The following CTNNBL1 variants were observed in gnomAD, a reference collection of about 807,000 sequenced individuals.
The protein encoded by CTNNBL1 is beta-catenin-like protein 1.
A neutral mutation model predicts 72.7 loss-of-function variants in CTNNBL1; 31 were observed. The observed-to-expected ratio is 0.43, with a 90% confidence interval of 0.32 to 0.58. CTNNBL1 has a LOEUF of 0.58. Among genes scored for constraint, CTNNBL1 ranks in the 20% least tolerant of loss-of-function variants. The pLI is 0.08. For missense variants in CTNNBL1, 534 were observed against 725.1 expected, an observed-to-expected ratio of 0.74 and a Z score of 3.03; for synonymous variants, 240 against 267.3, an observed-to-expected ratio of 0.90 and a Z score of 1.00.
intron 13 of CTNNBL1, among the ~76,000 whole-genome samples, chr20:37,849,529 A>G (rs2072377573): frequency 6.6e-6 from 1 of 152,236 alleles, no homozygotes; most frequent in South Asian, 2.1e-4. Context: ...TCTCTGTGCC[A>G]TCTTTTCCAC....
chr20:37,802,514 A>G (rs1233923470), intron 10 of CTNNBL1, among the ~76,000 whole-genome samples: 2 of 152,238 alleles, frequency 1.3e-5, no homozygotes, highest in Admixed American at 6.5e-5. Context: ...GAATTGTCTC[A>G]ATAAAGCTGT....
chr20:37,807,468 A>G (rs772153051), intron 11 of CTNNBL1, among the ~76,000 whole-genome samples: 2 of 152,166 alleles, frequency 1.3e-5, no homozygotes, highest in Admixed American at 6.5e-5. Context: ...ACTGTGGGCA[A>G]ATGGGCAAAT....
chr20:37,819,188 T>C (rs566232015), intron 11 of CTNNBL1, among the ~76,000 whole-genome samples: 1 of 152,296 alleles, frequency 6.6e-6, no homozygotes, highest in Admixed American at 6.5e-5. Context: ...TGTTGAAACT[T>C]CCCCCGTAAA....
intron 10 of CTNNBL1, among the ~76,000 whole-genome samples, chr20:37,796,695 T>C (rs766458279): frequency 3.9e-5 from 6 of 152,118 alleles, no homozygotes; most frequent in Non-Finnish European, 7.4e-5. Flanking sequence ...AGCCCAAAAT[T>C]TCAAGGACTT....
At chr20:37,746,947 T>C (rs1325964068) in intron 4 of CTNNBL1, among the ~76,000 whole-genome samples, 1 of 152,240 alleles carries the variant, frequency 6.6e-6, no homozygotes, top group South Asian at 2.1e-4. Context: ...CAGACAGATT[T>C]GAATGTGTAA....
intron 4 of CTNNBL1, among the ~76,000 whole-genome samples, chr20:37,749,323 T>G (rs2073296887): frequency 6.6e-6 from 1 of 152,224 alleles, no homozygotes; most frequent in Non-Finnish European, 1.5e-5. Context: ...AGTAGCTGCT[T>G]TTGGAAGATA....
intron 12 of CTNNBL1, 198 bp from the exon 13 acceptor site, chr20:37,842,141 T>G (rs2072309070): frequency 7.3e-6 from 4 of 546,196 alleles, no homozygotes; most frequent in Non-Finnish European, 1.3e-5. Flanking sequence ...TCATCCTAAG[T>G]GTTTGCTTTG....
chr20:37,731,822 C>T (rs1412269958), intron 1 of CTNNBL1, among the ~76,000 whole-genome samples: 2 of 152,100 alleles, frequency 1.3e-5, no homozygotes, highest in African/African-American at 2.4e-5. Context: ...CATCTAGTGA[C>T]GGACACATAG....
intron 1 of CTNNBL1, among the ~76,000 whole-genome samples, chr20:37,698,796 A>T (rs2072814616): frequency 6.6e-6 from 1 of 152,202 alleles, no homozygotes; most frequent in Admixed American, 6.5e-5. Flanking sequence ...CTGTAATCCC[A>T]GCACTTTGGG....
chr20:37,709,899 A>G (rs2072922347), intron 1 of CTNNBL1, among the ~76,000 whole-genome samples: 1 of 152,212 alleles, frequency 6.6e-6, no homozygotes, highest in South Asian at 2.1e-4. Flanking sequence ...CTTTCCAGGT[A>G]ACTGAAGCTT....
intron 15 of CTNNBL1, among the ~76,000 whole-genome samples, chr20:37,870,573 G>A (rs913969646): frequency 2.3e-4 from 35 of 152,174 alleles, no homozygotes; most frequent in Non-Finnish European, 3.8e-4. Context: ...ACATCAAGAA[G>A]CTGAAGACGT....
intron 5 of CTNNBL1, among the ~76,000 whole-genome samples, chr20:37,763,444 A>G (rs2073436364): frequency 6.6e-6 from 1 of 152,194 alleles, no homozygotes; most frequent in Non-Finnish European, 1.5e-5. Context: ...ATACCAGGGC[A>G]TAAAGGAGAG....
At chr20:37,814,649 C>T (rs2072038962) in intron 11 of CTNNBL1, among the ~76,000 whole-genome samples, 1 of 152,178 alleles carries the variant, frequency 6.6e-6, no homozygotes, top group Admixed American at 6.5e-5. Flanking sequence ...AAATACATGT[C>T]CCTCCTCCAG....
In CTNNBL1 at chr20:37,719,134, T is replaced by C. The variant is rs545680873; in HGVS notation, c.31-13745T>C. On this transcript the variant is annotated intron_variant, in intron 1 of 15. Transcript: ENST00000361383. ...TATATAGATATGGCCCAGTGTGGTA[T>C]AAAGTAAGTAGACAGGTAGATTCAG... Among the ~76,000 whole-genome samples, 199 of 152,310 alleles carry C rather than the reference T, an allele frequency of 1.3e-3. 2 individuals carry two copies. The highest frequency in any genetic ancestry group is 6.8e-3 in the Middle Eastern group (2 of 294).
chr20:37,714,684 T>A (rs1025913736), intron 1 of CTNNBL1, among the ~76,000 whole-genome samples: 13 of 152,376 alleles, frequency 8.5e-5, no homozygotes, highest in African/African-American at 3.1e-4. Flanking sequence ...GTTTTCTCTT[T>A]ACCCAGCCTT....
At position 37,866,348 on chromosome 20, in the gene CTNNBL1, T is replaced by A. The variant is rs1263568604; in HGVS notation, c.1604-5577T>A. Among the ~76,000 whole-genome samples the A allele has an allele frequency of 2.0e-5, 3 of 152,204 alleles. No homozygotes were observed. The East Asian group carries it at 5.8e-4, about 29-fold the overall frequency. ...GGGGAACCACTCTTGGAGAACCAAC[T>A]GTGCTAAGACCATGGAGCCTGCAGT... is the stretch of plus-strand genomic sequence containing the variant. On this transcript the variant is annotated intron_variant, in intron 15 of 15. Coordinates refer to ENST00000361383, the MANE Select transcript of CTNNBL1 (RefSeq NM_030877.5).
chr20:37,712,777 A>C (rs914241445), intron 1 of CTNNBL1, among the ~76,000 whole-genome samples: 1 of 152,232 alleles, frequency 6.6e-6, no homozygotes, highest in Non-Finnish European at 1.5e-5. Flanking sequence ...GAGTTAGCAC[A>C]TAGAGATATG....
At chr20:37,694,805 CTG>C (rs2072776385) in intron 1 of CTNNBL1, 1 of 152,174 alleles carries the variant, frequency 6.6e-6, no homozygotes, top group African/African-American at 2.4e-5. Flanking sequence ...TGTGGGGAAA[CTG>C]TATGGGACCT....
At chr20:37,860,163 G>A (rs1379155339) in intron 14 of CTNNBL1, 109 bp from the exon 15 acceptor site, 2 of 1,478,562 alleles carry the variant, frequency 1.4e-6, no homozygotes, top group African/African-American at 1.4e-5. Context: ...CTCTACATCA[G>A]CCTTTTGTTT....
Sources: gnomAD v4.1 joint callset for allele counts (sites outside exome capture counted in the v4.1 genomes callset) on GRCh38, gnomAD v4.1.1 for gene constraint, MANE v1.5 for transcripts, NCBI Gene and HGNC (gene_info 2026-07-23, HGNC 2026-07-21) for gene names.